The following STK3 variants were observed in gnomAD, a reference collection of about 807,000 sequenced individuals.
The protein encoded by STK3 is serine/threonine-protein kinase 3.
In STK3, 41 loss-of-function variants were observed where a neutral mutation model predicts 58.0. That is an observed-to-expected ratio of 0.71 (90% confidence interval 0.55 to 0.92). The LOEUF is 0.92. Ranked by LOEUF, STK3 falls within the 40% of genes least tolerant of loss-of-function variation. The probability of loss-of-function intolerance (pLI) is 0.00; values close to 1 mark genes in which losing one functional copy is unlikely to be tolerated. For synonymous variants in STK3, 170 were observed against 191.0 expected, an observed-to-expected ratio of 0.89 and a Z score of 0.91; for missense variants, 479 against 602.7, an observed-to-expected ratio of 0.79 and a Z score of 2.15.
chr8:98,600,972 T>C (rs1057258346), intron 6 of STK3, among the ~76,000 whole-genome samples: 4 of 152,150 alleles, frequency 2.6e-5, no homozygotes, highest in African/African-American at 9.7e-5. Context: ...ATAGCAGCAA[T>C]TATGTACAAG....
At chr8:98,913,315 C>T (rs1297096528) in intron 1 of STK3, among the ~76,000 whole-genome samples, 1 of 152,176 alleles carries the variant, frequency 6.6e-6, no homozygotes, top group Admixed American at 6.5e-5. Context: ...TAACAGAATT[C>T]TCTCTCCCTT....
At chr8:98,386,730 A>T (rs748395011) in intron 1 of STK3, among the ~76,000 whole-genome samples, 1 of 152,212 alleles carries the variant, frequency 6.6e-6, no homozygotes, top group Non-Finnish European at 1.5e-5. Context: ...CTGTAATCCC[A>T]GCACTTTGGG....
At chr8:98,454,193 A>T (rs886706808), downstream of STK3, among the ~76,000 whole-genome samples, 1 of 152,232 alleles carries the variant, frequency 6.6e-6, no homozygotes, top group Non-Finnish European at 1.5e-5. Context: ...GACAGACATT[A>T]GTGAACTCAT....
intron 4 of STK3, among the ~76,000 whole-genome samples, chr8:98,741,171 C>T (rs1236092684): frequency 6.6e-5 from 10 of 152,288 alleles, no homozygotes; most frequent in African/African-American, 2.4e-4. Context: ...CCACTGTCAA[C>T]ATTAGACAGA....
In STK3 at chr8:98,561,874, C is replaced by T. The variant is rs531241994; in HGVS notation, c.949-13713G>A. On this transcript the variant is annotated intron_variant, in intron 8 of 10. Coordinates refer to ENST00000419617, the MANE Select transcript of STK3 (RefSeq NM_006281.4). ...GGAAAAATATTGAACATACACTTTG[C>T]CAAAGATATATAAATGGCAAATAAG... is the stretch of plus-strand genomic sequence containing the variant. Among the ~76,000 whole-genome samples, 5 of 152,132 alleles carry T rather than the reference C, an allele frequency of 3.3e-5. 1 individual carries two copies. In the South Asian group the frequency reaches 1.0e-3, roughly 32 times the overall value.
intron 6 of STK3, chr8:98,597,602 C>A (rs1815939705): frequency 3.8e-5 from 37 of 985,368 alleles, no homozygotes; most frequent in Non-Finnish European, 4.5e-5. Context: ...TTCGTTCAGA[C>A]AAAATCAATC....
chr8:98,369,348 T>A (rs1817590597), downstream of STK3, among the ~76,000 whole-genome samples: 2 of 152,204 alleles, frequency 1.3e-5, no homozygotes, highest in South Asian at 4.1e-4. Context: ...CTATTAAGGA[T>A]CTTCTCCCCA....
chr8:98,761,944 G>A (rs994265223), intron 3 of STK3, among the ~76,000 whole-genome samples: 1 of 152,124 alleles, frequency 6.6e-6, no homozygotes, highest in Non-Finnish European at 1.5e-5. Flanking sequence ...GCCAAGGGGT[G>A]CTCAGTGACA....
chr8:98,826,881 C>A (rs1379083695), upstream of STK3, among the ~76,000 whole-genome samples: 1 of 134,468 alleles, frequency 7.4e-6, no homozygotes, highest in Admixed American at 7.7e-5. Context: ...AAAAGTTAGC[C>A]GGGCCTGGTG....
intron 1 of STK3, among the ~76,000 whole-genome samples, chr8:98,441,963 T>A (rs928693696): frequency 1.3e-5 from 2 of 152,128 alleles, no homozygotes; most frequent in African/African-American, 4.8e-5. Context: ...CTCCTGCATA[T>A]CCCATAGCCA....
intron 3 of STK3, among the ~76,000 whole-genome samples, chr8:98,760,981 C>T (rs956260360): frequency 1.3e-5 from 2 of 152,056 alleles, no homozygotes; most frequent in Admixed American, 6.6e-5. Context: ...TGAATCATTA[C>T]GTTTAAGCTT....
At chr8:98,652,889 T>G (rs1821078802) in intron 6 of STK3, among the ~76,000 whole-genome samples, 1 of 152,016 alleles carries the variant, frequency 6.6e-6, no homozygotes, top group South Asian at 2.1e-4. Context: ...AATGGGAGAC[T>G]TTAACACTCC....
intron 9 of STK3, among the ~76,000 whole-genome samples, chr8:98,542,492 T>A (rs898195182): frequency 3.3e-5 from 5 of 152,076 alleles, no homozygotes; most frequent in Admixed American, 3.3e-4. Context: ...CCCCTTTGAC[T>A]AGCTTACTAA....
intron 1 of STK3, among the ~76,000 whole-genome samples, chr8:98,941,686 G>T (rs1353819822): frequency 2.0e-5 from 3 of 152,148 alleles, no homozygotes; most frequent in Non-Finnish European, 2.9e-5. Context: ...AGGGGCCTGC[G>T]CTGCGCGCCC....
At chr8:98,683,558 G>C (rs989605391) in intron 6 of STK3, among the ~76,000 whole-genome samples, 2 of 151,856 alleles carry the variant, frequency 1.3e-5, no homozygotes, top group Non-Finnish European at 2.9e-5. Flanking sequence ...GATTTAGTAG[G>C]GAAATACGAC....
intron 1 of STK3, among the ~76,000 whole-genome samples, chr8:98,381,943 A>T (rs938003180): frequency 3.3e-5 from 5 of 152,222 alleles, no homozygotes; most frequent in African/African-American, 1.2e-4. Context: ...TTTGCTTTTT[A>T]AAATTAAATT....
At chr8:98,604,164 G>A (rs1816590262) in intron 6 of STK3, among the ~76,000 whole-genome samples, 1 of 152,182 alleles carries the variant, frequency 6.6e-6, no homozygotes, top group African/African-American at 2.4e-5. Flanking sequence ...AAAAAGCAAG[G>A]AAACAAATTC....
chr8:98,455,940 C>G lies in STK3; in HGVS notation c.1378G>C (p.Glu460Gln). 6.2e-7 allele frequency: 1 copy of G among 1,613,284 alleles called. No homozygotes were observed. The highest frequency in any genetic ancestry group is 8.5e-7 in the Non-Finnish European group (1 of 1,179,652). The change falls in exon 11 of 11, where the codon GAA becomes CAA. Residue 460 changes from glutamate to glutamine, a missense_variant. Physicochemically the swap from Glu to Gln is conservative, Grantham distance 29 (BLOSUM62 2). This residue lies in a region of STK3 where 309 missense variants were observed against 355.7 expected (regional missense o/e 0.87). Transcript: ENST00000419617. ...MRLKALDPMM[E>Q]REIEELRQRY... ...TGACGAAGTTCTTCTATCTCCCGTTCCATCATGGGGTCCAGTGCTTTTAAC... is the reference window on the plus strand; with the variant it reads ...TGACGAAGTTCTTCTATCTCCCGTTGCATCATGGGGTCCAGTGCTTTTAAC...
chr8:98,856,033 T>A (rs969935815), intron 3 of STK3, among the ~76,000 whole-genome samples: 7 of 151,396 alleles, frequency 4.6e-5, no homozygotes. Context: ...GGCAGGTGCC[T>A]CTAATCCCAG....
Sources: gnomAD v4.1 joint callset for allele counts (sites outside exome capture counted in the v4.1 genomes callset) on GRCh38, gnomAD v4.1.1 for gene constraint, gnomAD v4.1.1 regional missense constraint, MANE v1.5 for transcripts, NCBI Gene and HGNC (gene_info 2026-07-23, HGNC 2026-07-21) for gene names.